PLXNA4: variants seen among roughly 807,000 people sequenced by gnomAD.
PLXNA4 encodes the protein plexin A4, also known as plexin-A4.
PLXNA4 carries 44 observed loss-of-function variants against 191.8 expected under a neutral mutation model. The ratio of observed to expected loss-of-function variants is 0.23; its 90% CI spans 0.18 to 0.29. The LOEUF is 0.29. PLXNA4 is among the 10% of genes least tolerant of loss of function. PLXNA4 has a pLI of 1.00. For missense variants in PLXNA4, 1,800 were observed against 2,488.8 expected (o/e 0.72, Z 5.89); for synonymous variants, 1,082 against 1,009.5 (o/e 1.07, Z -1.36).
chr7:132,621,161 C>T (rs1270346779), intron 2 of PLXNA4, among the ~76,000 whole-genome samples: 2 of 151,516 alleles, frequency 1.3e-5, no homozygotes, highest in Admixed American at 1.3e-4. Context: ...CCATGCTATT[C>T]TATAATTCAA....
intron 3 of PLXNA4, among the ~76,000 whole-genome samples, chr7:132,334,248 C>CTTTT (rs1389956728): frequency 2.0e-5 from 2 of 99,740 alleles, no homozygotes; most frequent in African/African-American, 8.2e-5. Flanking sequence ...TTCTTTCTTT[C>CTTTT]TTTCTTTTTT....
At chr7:132,405,786 G>C (rs1251770258) in intron 3 of PLXNA4, among the ~76,000 whole-genome samples, 11 of 152,094 alleles carry the variant, frequency 7.2e-5, no homozygotes, top group Non-Finnish European at 4.4e-5. Context: ...CATCCTTTAG[G>C]GCAGTTTTAA....
intron 3 of PLXNA4, among the ~76,000 whole-genome samples, chr7:132,335,245 T>C (rs1802770088): frequency 1.3e-5 from 2 of 152,194 alleles, no homozygotes; most frequent in African/African-American, 2.4e-5. Flanking sequence ...ATATCAGAAA[T>C]TAGGATTCTA....
chr7:132,326,894 G>C (rs980603795), intron 3 of PLXNA4, among the ~76,000 whole-genome samples: 1 of 151,002 alleles, frequency 6.6e-6, no homozygotes, highest in Non-Finnish European at 1.5e-5. Context: ...AAGTGTTGTG[G>C]CAGGAAGGGA....
intron 4 of PLXNA4, among the ~76,000 whole-genome samples, chr7:132,270,491 C>G (rs1170617254): frequency 1.3e-5 from 2 of 152,142 alleles, no homozygotes; most frequent in Non-Finnish European, 2.9e-5. Context: ...AAAGGTTGTT[C>G]CTTAAAATTT....
chr7:132,641,048 C>A (rs1803733313), intron 2 of PLXNA4, among the ~76,000 whole-genome samples: 1 of 152,204 alleles, frequency 6.6e-6, no homozygotes, highest in Non-Finnish European at 1.5e-5. Context: ...AAAGTTTGCT[C>A]CACTATTGCT....
chr7:132,344,031 G>A (rs1803142787), intron 3 of PLXNA4, among the ~76,000 whole-genome samples: 2 of 152,234 alleles, frequency 1.3e-5, no homozygotes, highest in East Asian at 1.9e-4. Context: ...CACTCACCAC[G>A]CCTGCCCATA....
intron 4 of PLXNA4, among the ~76,000 whole-genome samples, chr7:132,242,314 T>C (rs1798908431): frequency 6.6e-6 from 1 of 152,164 alleles, no homozygotes; most frequent in Non-Finnish European, 1.5e-5. Context: ...CTATAAACTG[T>C]GCTGACCTGG....
chr7:132,326,287 G>A (rs1009680073), intron 3 of PLXNA4, among the ~76,000 whole-genome samples: 2 of 152,166 alleles, frequency 1.3e-5, no homozygotes, highest in South Asian at 2.1e-4. Context: ...AACTCCAGAT[G>A]AGGGAACTTC....
chr7:132,553,312 T>C (rs1800645625), intron 1 of PLXNA4, among the ~76,000 whole-genome samples: 1 of 152,234 alleles, frequency 6.6e-6, no homozygotes, highest in African/African-American at 2.4e-5. Context: ...GCCCTTAGGC[T>C]ATTTTCCACA....
chr7:132,143,107 G>C (rs558287000), intron 29 of PLXNA4, among the ~76,000 whole-genome samples: 12 of 152,290 alleles, frequency 7.9e-5, no homozygotes, highest in East Asian at 7.7e-4. Context: ...GTGGAAGAAG[G>C]GGGTGGGGAG....
At chr7:132,456,101 C>A (rs1211253744) in intron 3 of PLXNA4, among the ~76,000 whole-genome samples, 1 of 148,642 alleles carries the variant, frequency 6.7e-6, no homozygotes, top group African/African-American at 2.6e-5. Context: ...CTCTTCGCAT[C>A]TCCTCTGTTC....
rs542141055 is a variant in PLXNA4, at chr7:132,297,415, T to C, written c.1503+676A>G. On this transcript the variant is annotated intron_variant, in intron 4 of 31. Transcript: ENST00000321063. ...CCTTCCTTTGCCTGCTGCAGACATA[T>C]GACTCCTGGCCTGAGCTCAGGGACT... Among the ~76,000 whole-genome samples the C allele has an allele frequency of 1.9e-4, 29 of 152,268 alleles. No homozygotes were observed. In the East Asian group the frequency reaches 3.3e-3, roughly 17 times the overall value.
chr7:132,363,230 C>A (rs1254995024), intron 3 of PLXNA4, among the ~76,000 whole-genome samples: 3 of 152,202 alleles, frequency 2.0e-5, no homozygotes, highest in Non-Finnish European at 4.4e-5. Context: ...AGTGATCCAC[C>A]CATCTCGGCC....
chr7:132,215,866 G>A (rs1797947624), intron 9 of PLXNA4, among the ~76,000 whole-genome samples: 2 of 152,176 alleles, frequency 1.3e-5, no homozygotes, highest in Admixed American at 1.3e-4. Flanking sequence ...GCTGCATCTG[G>A]CTGTTTATCT....
chr7:132,545,841 A>T (rs963751591), intron 1 of PLXNA4, among the ~76,000 whole-genome samples: 1 of 152,234 alleles, frequency 6.6e-6, no homozygotes, highest in Non-Finnish European at 1.5e-5. Context: ...CCACAAAGTC[A>T]TCAGGCACCT....
intron 13 of PLXNA4, among the ~76,000 whole-genome samples, chr7:132,197,564 C>A (rs949053389): frequency 6.6e-6 from 1 of 152,048 alleles, no homozygotes; most frequent in African/African-American, 2.4e-5. Flanking sequence ...TTGAAAGAGC[C>A]ATAGAAAGAT....
intron 3 of PLXNA4, among the ~76,000 whole-genome samples, chr7:132,483,631 T>C (rs1044638357): frequency 6.6e-6 from 1 of 152,256 alleles, no homozygotes; most frequent in Non-Finnish European, 1.5e-5. Flanking sequence ...TTCTTCAATT[T>C]TAATGTGTTT....
intron 2 of PLXNA4, among the ~76,000 whole-genome samples, chr7:132,501,839 G>C (rs1227425064): frequency 6.6e-6 from 1 of 152,224 alleles, no homozygotes; most frequent in Non-Finnish European, 1.5e-5. Context: ...TCAGACCAAT[G>C]TGTTAGATTT....
Sources: gnomAD v4.1 joint callset for allele counts (sites outside exome capture counted in the v4.1 genomes callset) on GRCh38, gnomAD v4.1.1 for gene constraint, MANE v1.5 for transcripts, NCBI Gene and HGNC (gene_info 2026-07-23, HGNC 2026-07-21) for gene names.